The following PTPN5 variants were observed in gnomAD, a reference collection of about 807,000 sequenced individuals.
The protein encoded by PTPN5 is tyrosine-protein phosphatase non-receptor type 5.
In PTPN5, 29 loss-of-function variants were observed where a neutral mutation model predicts 73.9. The ratio of observed to expected loss-of-function variants is 0.39; its 90% CI spans 0.29 to 0.54. PTPN5 has a LOEUF of 0.54. PTPN5 is among the 20% of genes least tolerant of loss of function. The probability of loss-of-function intolerance (pLI) is 0.65; values close to 1 mark genes in which losing one functional copy is unlikely to be tolerated. For synonymous variants in PTPN5, 267 were observed against 304.7 expected (o/e 0.88, Z 1.29); for missense variants, 652 against 751.4 (o/e 0.87, Z 1.55).
intron 1 of PTPN5, among the ~76,000 whole-genome samples, chr11:18,789,785 G>A (rs1590635196): frequency 1.3e-5 from 2 of 152,178 alleles, no homozygotes; most frequent in East Asian, 1.9e-4. Flanking sequence ...GGACTTTGGG[G>A]ACTTGGGGGA....
chr11:18,787,964 G>C (rs1207681714), intron 1 of PTPN5, among the ~76,000 whole-genome samples: 3 of 152,154 alleles, frequency 2.0e-5, no homozygotes, highest in Non-Finnish European at 4.4e-5. Context: ...CTTTTCAGGA[G>C]GGCTCATTAT....
chr11:18,744,272 G>A (rs1030317843), intron 3 of PTPN5, 73 bp from the exon 4 acceptor site: 64 of 1,347,672 alleles, frequency 4.7e-5, no homozygotes, highest in Non-Finnish European at 6.0e-5. Flanking sequence ...CCCCTTTTGG[G>A]GTGGCTGTGG....
intron 2 of PTPN5, among the ~76,000 whole-genome samples, chr11:18,771,381 G>A (rs146171791): frequency 1.5e-4 from 23 of 152,256 alleles, no homozygotes; most frequent in African/African-American, 2.6e-4. Flanking sequence ...CGACTCAGGC[G>A]GTGCGTCTTC....
chr11:18,728,871 C>A lies in PTPN5; in HGVS notation c.*63G>T, dbSNP rs1048467969. On this transcript the variant is annotated 3_prime_UTR_variant, in exon 15 of 15. Coordinates refer to ENST00000358540, the MANE Select transcript of PTPN5 (RefSeq NM_006906.2). This position sits in a 1 kb window ranked among gnomAD's most constrained non-coding sequence, Gnocchi z 4.1. Reference sequence around the variant, plus strand: ...AGCAGGCCCAGGACCCGAGGCAGGGCCCTGGGTGAGGGCCGAGACTCAGGC... The same window carrying A: ...AGCAGGCCCAGGACCCGAGGCAGGGACCTGGGTGAGGGCCGAGACTCAGGC... 22 of 1,513,700 alleles carry A rather than the reference C, an allele frequency of 1.5e-5. No homozygotes were observed. The Admixed American group carries it at 2.3e-4, about 16-fold the overall frequency. The allele number at this position is 1,513,700 out of a possible 1,614,324, so 93.8% of individuals were successfully genotyped here.
intron 1 of PTPN5, among the ~76,000 whole-genome samples, chr11:18,777,577 T>C (rs563866253): frequency 6.6e-6 from 1 of 152,324 alleles, no homozygotes; most frequent in South Asian, 2.1e-4. Flanking sequence ...CTTAACTTTC[T>C]CTTTACTGGA....
intron 2 of PTPN5, among the ~76,000 whole-genome samples, chr11:18,771,333 T>C (rs4074853): frequency 0.89 from 134,989 of 152,206 alleles, 60,284 homozygotes; most frequent in Middle Eastern, 0.96. Context: ...GGAAGATCCT[T>C]TTCCCCTTTT....
rs1338537805 is a variant in PTPN5, at chr11:18,778,825, A to G, written c.-113-6754T>C. Among the ~76,000 whole-genome samples the G allele has an allele frequency of 5.9e-5, 9 of 152,304 alleles. No homozygotes were observed. The East Asian group carries it at 1.7e-3, about 29-fold the overall frequency. ...CTGCATTTCTTTATAGCAATGCAAG[A>G]ACAGTCTGATACACCCCGGAACTAG... On this transcript the variant is annotated intron_variant, in intron 1 of 14. Coordinates refer to ENST00000358540, the MANE Select transcript of PTPN5 (RefSeq NM_006906.2).
intron 1 of PTPN5, among the ~76,000 whole-genome samples, chr11:18,783,085 A>G (rs1851515960): frequency 6.6e-6 from 1 of 152,250 alleles, no homozygotes; most frequent in South Asian, 2.1e-4. Context: ...GTATTTGCCT[A>G]ACTCTTAGCC....
intron 3 of PTPN5, among the ~76,000 whole-genome samples, chr11:18,747,841 T>C (rs1041054093): frequency 6.6e-6 from 1 of 152,220 alleles, no homozygotes; most frequent in Non-Finnish European, 1.5e-5. Flanking sequence ...GATTAGAGGT[T>C]AACATGAGAT....
intron 3 of PTPN5, among the ~76,000 whole-genome samples, chr11:18,755,328 T>G (rs1234914356): frequency 6.6e-6 from 1 of 152,264 alleles, no homozygotes; most frequent in African/African-American, 2.4e-5. Flanking sequence ...CAGGCCAGAC[T>G]GACTTAGGCC....
At chr11:18,769,136 C>T (rs117720067) in intron 2 of PTPN5, among the ~76,000 whole-genome samples, 2,647 of 152,340 alleles carry the variant, frequency 0.017, 36 homozygotes, top group Non-Finnish European at 0.026. Context: ...GCCATCGTCG[C>T]ATTCAACAGG....
chr11:18,751,164 C>T (rs943597362), intron 3 of PTPN5, among the ~76,000 whole-genome samples: 6 of 152,232 alleles, frequency 3.9e-5, no homozygotes, highest in African/African-American at 1.4e-4. Context: ...GCTGTGATCT[C>T]TGTTCTCACT....
At chr11:18,778,050 A>G (rs1218580989) in intron 1 of PTPN5, among the ~76,000 whole-genome samples, 1 of 152,072 alleles carries the variant, frequency 6.6e-6, no homozygotes, top group Non-Finnish European at 1.5e-5. Context: ...GCCCTCTGCC[A>G]ATTTTCATGG....
chr11:18,750,903 T>C (rs1388867419), intron 3 of PTPN5, among the ~76,000 whole-genome samples: 2 of 152,206 alleles, frequency 1.3e-5, no homozygotes, highest in Non-Finnish European at 2.9e-5. Flanking sequence ...ATGATTTTTC[T>C]CTTACTCCAC....
intron 2 of PTPN5, among the ~76,000 whole-genome samples, chr11:18,770,481 T>C (rs1227177044): frequency 6.6e-6 from 1 of 152,258 alleles, no homozygotes; most frequent in African/African-American, 2.4e-5. Context: ...TTTTCATGGA[T>C]TCCTTTTCAA....
In PTPN5 at chr11:18,733,409, G is replaced by A. The variant is rs779180807; in HGVS notation, c.1081-37C>T. 6.2e-7 allele frequency: 1 copy of A among 1,610,724 alleles called. No homozygotes were observed. Among genetic ancestry groups the A allele is most frequent in the South Asian group, 1.1e-5 (1 of 90,954 alleles). ...CAAGTCCAGGCTGTCAGGGTCAGAG[G>A]CAGTGCTCCCAGGACCCCATCCCCA... On this transcript the variant is annotated intron_variant, in intron 10 of 14. Coordinates refer to ENST00000358540, the MANE Select transcript of PTPN5 (RefSeq NM_006906.2). This position sits in a 1 kb window ranked among gnomAD's most constrained non-coding sequence, Gnocchi z 4.3.
At chr11:18,736,573 T>C (rs1010375524) in intron 9 of PTPN5, among the ~76,000 whole-genome samples, 7 of 152,180 alleles carry the variant, frequency 4.6e-5, no homozygotes, top group Non-Finnish European at 2.9e-5. Context: ...CCTCAGCGCG[T>C]CCTGGATCTC....
At chr11:18,771,813 T>C (rs4075664) in intron 2 of PTPN5, 126 bp downstream of exon 2, 393,135 of 791,040 alleles carry the variant, frequency 0.5, 101,769 homozygotes, top group East Asian at 0.87. Flanking sequence ...GCTGGTTTCA[T>C]GGAAAAGGAA....
chr11:18,758,011 G>A (rs1286613916), intron 3 of PTPN5, among the ~76,000 whole-genome samples: 1 of 152,160 alleles, frequency 6.6e-6, no homozygotes, highest in East Asian at 1.9e-4. Context: ...AGCAACAAAG[G>A]GTCAGTAGCT....
Sources: allele counts gnomAD v4.1 joint callset (sites outside exome capture counted in the v4.1 genomes callset), GRCh38; gene constraint gnomAD v4.1.1; non-coding constraint Gnocchi (gnomAD v3.1); transcripts MANE v1.5; gene names NCBI Gene and HGNC (gene_info 2026-07-23, HGNC 2026-07-21).